The following SMAD3 variants were observed in gnomAD, a reference collection of about 807,000 sequenced individuals.
SMAD3 encodes MAD homolog 3.
SMAD3 carries 12 observed loss-of-function variants against 51.8 expected under a neutral mutation model. The observed-to-expected ratio is 0.23, with a 90% confidence interval of 0.15 to 0.38. SMAD3 has a LOEUF of 0.38. SMAD3 is among the 10% of genes least tolerant of loss of function. The pLI, the probability that SMAD3 is intolerant of heterozygous loss-of-function variation, is 1.00. For synonymous variants in SMAD3, 238 were observed against 227.7 expected (o/e 1.05, Z -0.41); for missense variants, 294 against 565.6 (o/e 0.52, Z 4.87).
Position 67,191,039 on chromosome 15 carries a change from C to A in SMAD3, c.*503C>A, listed in dbSNP as rs369493674. ...CCAGTGAACATTCCCAGCCCAGCCC[C>A]GCCCCGCCCCGCCCCACCACTCCAG... On this transcript the variant is annotated 3_prime_UTR_variant, in exon 9 of 9. Coordinates refer to ENST00000327367, the MANE Select transcript of SMAD3 (RefSeq NM_005902.4). The A allele has an allele frequency of 1.7e-5, 4 of 234,206 alleles. No individual in the cohort carries two copies. Among genetic ancestry groups the A allele is most frequent in the Admixed American group, 1.1e-4 (2 of 18,752 alleles). 14.5% of individuals were successfully genotyped at this position (234,206 alleles called of 1,614,324 possible). A position where few individuals can be genotyped will look rare whatever the true frequency, so the allele number is the denominator to read the frequency against.
intron 4 of SMAD3, among the ~76,000 whole-genome samples, chr15:67,169,176 T>C (rs1160690244): frequency 6.6e-6 from 1 of 152,170 alleles, no homozygotes. Flanking sequence ...TCATAGAAGT[T>C]AAACGGCTTA....
Position 67,170,705 on chromosome 15 carries a change from A to T in SMAD3, c.658+101A>T, listed in dbSNP as rs568590325. ...GCCCTGAAGGTAAGGCTCTCCCCCG[A>T]CCCCTACCATCAGCCCAGCTCAGCC... On this transcript the variant is annotated intron_variant, in intron 5 of 8. Coordinates refer to ENST00000327367, the MANE Select transcript of SMAD3 (RefSeq NM_005902.4). 1.2e-4 allele frequency: 124 copies of T among 1,005,098 alleles called. No homozygotes were observed. In the African/African-American group the frequency reaches 1.7e-3, roughly 14 times the overall value. The allele number at this position is 1,005,098 out of a possible 1,614,324, so 62.3% of individuals were successfully genotyped here.
Position 67,101,814 on chromosome 15 carries a change from G to A in SMAD3, c.206+35454G>A, listed in dbSNP as rs182955861. On this transcript the variant is annotated intron_variant, in intron 1 of 8. Coordinates refer to ENST00000327367, the MANE Select transcript of SMAD3 (RefSeq NM_005902.4). ...CTGGCCTCTCCTATCTTATGGAGTT[G>A]GTGTAAGCATCTGCATGAGATGATG... Among the ~76,000 whole-genome samples, 456 of 152,306 alleles carry A rather than the reference G, an allele frequency of 3.0e-3. 4 individuals are homozygous for A. Among genetic ancestry groups the A allele is most frequent in the African/African-American group, 0.01 (436 of 41,570 alleles).
At chr15:67,189,633 A>C (rs1327093110) in intron 8 of SMAD3, among the ~76,000 whole-genome samples, 2 of 152,124 alleles carry the variant, frequency 1.3e-5, no homozygotes, top group African/African-American at 4.8e-5. Flanking sequence ...TCTCTCTGTG[A>C]GGTGGCTGAA....
intron 1 of SMAD3, among the ~76,000 whole-genome samples, chr15:67,116,472 G>A (rs1194066233): frequency 6.6e-6 from 1 of 152,202 alleles, no homozygotes; most frequent in Non-Finnish European, 1.5e-5. Flanking sequence ...GATAACGGTG[G>A]CGCCCATCTC....
At position 67,192,390 on chromosome 15, in the gene SMAD3, A is replaced by AT. The variant is rs1963389138; in HGVS notation, c.*1854_*1855insT. ...TTGACTCAGAACCCAGAGACAATACAAAACCCCTCACTTCCTCTGAGAGGG... is the reference window on the plus strand; with the variant it reads ...TTGACTCAGAACCCAGAGACAATACATAAACCCCTCACTTCCTCTGAGAGGG... On this transcript the variant is annotated 3_prime_UTR_variant, in exon 9 of 9. Coordinates refer to ENST00000327367, the MANE Select transcript of SMAD3 (RefSeq NM_005902.4). 4.3e-6 allele frequency: 1 copy of AT among 233,228 alleles called. No individual in the cohort carries two copies. Among genetic ancestry groups the AT allele is most frequent in the African/African-American group, 2.2e-5 (1 of 45,352 alleles). The allele number at this position is 233,228 out of a possible 1,614,324, so 14.4% of individuals were successfully genotyped here. A position where few individuals can be genotyped will look rare whatever the true frequency, so the allele number is the denominator to read the frequency against.
intron 6 of SMAD3, among the ~76,000 whole-genome samples, chr15:67,183,013 ATATATATATATATATATATT>A (rs1171940923): frequency 9.8e-5 from 7 of 71,430 alleles, no homozygotes; most frequent in African/African-American, 4.1e-4. Context: ...ATATATATAT[ATATATATATATATATATATT>A]TTTTTTTTTT....
chr15:67,113,532 G>T (rs950926080), intron 1 of SMAD3, among the ~76,000 whole-genome samples: 4 of 152,190 alleles, frequency 2.6e-5, no homozygotes, highest in African/African-American at 9.7e-5. Context: ...AAAATAAGAT[G>T]ACATAAGAGT....
chr15:67,119,482 G>A (rs1017640488), intron 1 of SMAD3, among the ~76,000 whole-genome samples: 18 of 152,286 alleles, frequency 1.2e-4, no homozygotes, highest in African/African-American at 4.1e-4. Flanking sequence ...GTGGGAGCCA[G>A]AGAGGGACCT....
chr15:67,163,944 TAAAAAAAAAA>T (rs57803788), intron 1 of SMAD3, among the ~76,000 whole-genome samples: 1,120 of 87,920 alleles, frequency 0.013, 18 homozygotes, highest in African/African-American at 0.044. Flanking sequence ...GTATCAAAAG[TAAAAAAAAAA>T]AAAAAAAAAA....
intron 1 of SMAD3, among the ~76,000 whole-genome samples, chr15:67,092,699 G>A (rs555600329): frequency 6.6e-5 from 10 of 152,296 alleles, no homozygotes; most frequent in African/African-American, 2.4e-4. Flanking sequence ...GTGGTGTAGC[G>A]GAAAAGGCAC....
chr15:67,089,518 G>A (rs1960465889), intron 1 of SMAD3, among the ~76,000 whole-genome samples: 1 of 152,194 alleles, frequency 6.6e-6, no homozygotes, highest in East Asian at 1.9e-4. Flanking sequence ...CTTACAGTTA[G>A]CGCAGGAACA....
At chr15:67,179,451 G>T (rs1962993070) in intron 5 of SMAD3, among the ~76,000 whole-genome samples, 1 of 152,068 alleles carries the variant, frequency 6.6e-6, no homozygotes, top group South Asian at 2.1e-4. Context: ...GAATTATCTG[G>T]CCCCAGATGT....
chr15:67,094,352 C>G lies in SMAD3; in HGVS notation c.206+27992C>G, dbSNP rs1015625030. Among the ~76,000 whole-genome samples the G allele has an allele frequency of 7.9e-5, 12 of 152,346 alleles. No individual in the cohort carries two copies. In the East Asian group the frequency reaches 2.3e-3, roughly 29 times the overall value. ...GGTGAATAGCTGATGCTCTGGGCCC[C>G]TCATCCCACCATCCCACCCCGTGGC... On this transcript the variant is annotated intron_variant, in intron 1 of 8. Coordinates refer to ENST00000327367, the MANE Select transcript of SMAD3 (RefSeq NM_005902.4).
In SMAD3 at chr15:67,194,223, T is replaced by C. The variant is rs1330706207; in HGVS notation, c.*3687T>C. ...CTGTACTGTCTTTGTGTGGCAAAGA[T>C]GTTCCCTTGTAGGCCCCTTTCAGGT... On this transcript the variant is annotated 3_prime_UTR_variant, in exon 9 of 9. Transcript: ENST00000327367. The C allele has an allele frequency of 4.3e-6, 1 of 233,386 alleles. No homozygotes were observed. The highest frequency in any genetic ancestry group is 6.0e-5 in the East Asian group (1 of 16,744). The allele number at this position is 233,386 out of a possible 1,614,324, so 14.5% of individuals were successfully genotyped here.
chr15:67,130,135 C>T (rs1330406776), intron 1 of SMAD3, among the ~76,000 whole-genome samples: 1 of 152,196 alleles, frequency 6.6e-6, no homozygotes, highest in Non-Finnish European at 1.5e-5. Context: ...TTTGTCATTC[C>T]ATTTAGTTCT....
intron 1 of SMAD3, among the ~76,000 whole-genome samples, chr15:67,108,072 C>G (rs1447612581): frequency 4.0e-5 from 6 of 151,068 alleles, no homozygotes; most frequent in Non-Finnish European, 5.9e-5. Flanking sequence ...TCCAGTGGTT[C>G]CTAGTGCTTC....
chr15:67,101,498 C>T (rs1362528195), intron 1 of SMAD3, among the ~76,000 whole-genome samples: 2 of 152,146 alleles, frequency 1.3e-5, no homozygotes, highest in Non-Finnish European at 2.9e-5. Flanking sequence ...TCTCTGAGGT[C>T]GAGCTCTTGT....
At position 67,120,323 on chromosome 15, in the gene SMAD3, A is replaced by T. The variant is rs542487823; in HGVS notation, c.207-44572A>T. On this transcript the variant is annotated intron_variant, in intron 1 of 8. Coordinates refer to ENST00000327367, the MANE Select transcript of SMAD3 (RefSeq NM_005902.4). ...CTGTGGCAGCTCAGGCAGCCCTGCCATGACCTGGAGTTGGGGAGGGGTATC... is the reference window on the plus strand; with the variant it reads ...CTGTGGCAGCTCAGGCAGCCCTGCCTTGACCTGGAGTTGGGGAGGGGTATC... 5.3e-5 allele frequency among the ~76,000 whole-genome samples: 8 copies of T among 152,322 alleles called. No individual in the cohort carries two copies. The East Asian group carries it at 1.5e-3, about 29-fold the overall frequency.
Sources: allele counts gnomAD v4.1 joint callset (sites outside exome capture counted in the v4.1 genomes callset), GRCh38; gene constraint gnomAD v4.1.1; transcripts MANE v1.5; gene names NCBI Gene and HGNC (gene_info 2026-07-23, HGNC 2026-07-21).